The following CEPT1 variants were observed in gnomAD, a reference collection of about 807,000 sequenced individuals.
CEPT1 encodes the protein choline/ethanolamine phosphotransferase 1, also known as choline/ethanolaminephosphotransferase 1.
A neutral mutation model predicts 42.6 loss-of-function variants in CEPT1; 7 were observed. The observed-to-expected ratio is 0.16, with a 90% CI of 0.09 to 0.31. The LOEUF is 0.31. CEPT1 is among the 10% of genes least tolerant of loss of function. CEPT1 has a pLI of 1.00. For missense variants in CEPT1, 306 were observed against 502.1 expected (o/e 0.61, Z 3.73); for synonymous variants, 171 against 171.9 (o/e 0.99, Z 0.04).
chr1:111,160,970 A>AT, intron 3 of CEPT1, 185 bp from the exon 4 acceptor site: 7 of 596,594 alleles, frequency 1.2e-5, no homozygotes, highest in Admixed American at 3.5e-5. Flanking sequence ...AAAAAAAAAA[A>AT]GAGAGATTGA....
intron 4 of CEPT1, among the ~76,000 whole-genome samples, chr1:111,163,686 G>C (rs1655988658): frequency 6.6e-6 from 1 of 151,478 alleles, no homozygotes; most frequent in Non-Finnish European, 1.5e-5. Context: ...GAGGCATATA[G>C]AATAAATAGA....
chr1:111,172,092 T>C (rs940977183), intron 4 of CEPT1, among the ~76,000 whole-genome samples: 6 of 152,338 alleles, frequency 3.9e-5, no homozygotes, highest in East Asian at 3.9e-4. Flanking sequence ...TTCATAGATA[T>C]AGAAAATTGT....
At chr1:111,173,558 A>G (rs114658323) in intron 4 of CEPT1, among the ~76,000 whole-genome samples, 1,696 of 152,238 alleles carry the variant, frequency 0.011, 38 homozygotes, top group African/African-American at 0.039. Flanking sequence ...GTTGTTACCT[A>G]CTTTTAGACT....
intron 2 of CEPT1, among the ~76,000 whole-genome samples, chr1:111,158,183 A>T (rs919093067): frequency 3.3e-5 from 5 of 152,050 alleles, no homozygotes; most frequent in Admixed American, 2.0e-4. Flanking sequence ...CTCTACTAAA[A>T]AAAATAAAAT....
At chr1:111,153,550 A>G (rs1341103226) in intron 2 of CEPT1, among the ~76,000 whole-genome samples, 3 of 152,172 alleles carry the variant, frequency 2.0e-5, no homozygotes, top group Non-Finnish European at 4.4e-5. Context: ...GCGTAGACCA[A>G]TGTACTGAAG....
At chr1:111,142,316 C>G (rs1392990979) in intron 1 of CEPT1, among the ~76,000 whole-genome samples, 2 of 152,286 alleles carry the variant, frequency 1.3e-5, no homozygotes, top group East Asian at 1.9e-4. Context: ...TCTGGACTTA[C>G]AAAACAGTTT....
In CEPT1 at chr1:111,183,422, C is replaced by T. The variant is rs374981028; in HGVS notation, c.1006-40C>T. The T allele has an allele frequency of 1.7e-5, 27 of 1,605,100 alleles. No homozygotes were observed. The African/African-American group carries it at 3.2e-4, about 19-fold the overall frequency. On this transcript the variant is annotated intron_variant, in intron 7 of 8. Coordinates refer to ENST00000357172, the MANE Select transcript of CEPT1 (RefSeq NM_006090.5). ...ATTTACTGTGTAGTTCACAATTGTCCTCTTATGAAAATGCCTACGTTATTC... is the reference window on the plus strand; with the variant it reads ...ATTTACTGTGTAGTTCACAATTGTCTTCTTATGAAAATGCCTACGTTATTC...
chr1:111,158,308 G>A (rs1257359287), intron 2 of CEPT1, among the ~76,000 whole-genome samples: 2 of 152,096 alleles, frequency 1.3e-5, no homozygotes, highest in African/African-American at 2.4e-5. Context: ...AGCCAAGACT[G>A]CACCACTGCA....
rs914671728 is a variant in CEPT1 at position 111,184,534 on chromosome 1, A to C, written c.*224A>C. ...GTTGTCATGCAGGGTTTGGGCCAAG[A>C]AAGCATGCAGAAAAAAATGCCATGT... On this transcript the variant is annotated 3_prime_UTR_variant, in exon 9 of 9. Coordinates refer to ENST00000357172, the MANE Select transcript of CEPT1 (RefSeq NM_006090.5). 5.7e-6 allele frequency: 2 copies of C among 353,550 alleles called. No homozygotes were observed. Among genetic ancestry groups the C allele is most frequent in the African/African-American group, 4.2e-5 (2 of 47,182 alleles). 21.9% of individuals were successfully genotyped at this position (353,550 alleles called of 1,614,324 possible).
Position 111,184,295 on chromosome 1 carries a change from T to C in CEPT1, c.1236T>C (p.His412=). 9 of 1,611,684 alleles carry C rather than the reference T, an allele frequency of 5.6e-6. No homozygotes were observed. The highest frequency in any genetic ancestry group is 6.8e-6 in the Non-Finnish European group (8 of 1,178,424). ...HVFRIKVSTA[H]SNHH The stretch of plus-strand genomic sequence containing the variant: ...TCAGAATCAAGGTCTCTACAGCTCA[T>C]TCTAATCATCATTAATGATGTAATT... Residue 412 remains histidine (H), a synonymous_variant, in exon 9 of 9, where the codon CAT becomes CAC. Coordinates refer to ENST00000357172, the MANE Select transcript of CEPT1 (RefSeq NM_006090.5).
At chr1:111,163,776 G>A (rs1655994453) in intron 4 of CEPT1, among the ~76,000 whole-genome samples, 1 of 152,114 alleles carries the variant, frequency 6.6e-6, no homozygotes, top group South Asian at 2.1e-4. Flanking sequence ...ATGCATGGAG[G>A]AGAAAGTCAA....
intron 4 of CEPT1, among the ~76,000 whole-genome samples, chr1:111,165,072 C>T (rs1445930221): frequency 1.9e-4 from 17 of 91,658 alleles, no homozygotes; most frequent in African/African-American, 3.6e-4. Flanking sequence ...TTTTTTGAGA[C>T]GGAGTCTCAC....
chr1:111,164,799 A>G (rs1486586870), intron 4 of CEPT1, among the ~76,000 whole-genome samples: 1 of 151,814 alleles, frequency 6.6e-6, no homozygotes, highest in East Asian at 2.0e-4. Context: ...AGTTTTTTGC[A>G]TTTTTAGTAG....
chr1:111,157,694 ACT>A (rs1557928686), intron 2 of CEPT1, among the ~76,000 whole-genome samples: 1 of 152,134 alleles, frequency 6.6e-6, no homozygotes, highest in African/African-American at 2.4e-5. Flanking sequence ...AGGGTTTATA[ACT>A]CTGGCTTAGT....
intron 2 of CEPT1, among the ~76,000 whole-genome samples, chr1:111,156,546 A>G (rs931078915): frequency 4.6e-5 from 7 of 152,188 alleles, no homozygotes; most frequent in African/African-American, 1.7e-4. Flanking sequence ...CACACATAAA[A>G]CACTAACGAT....
At position 111,183,588 on chromosome 1, in the gene CEPT1, G is replaced by C; in HGVS notation, c.1131+1G>C. The C allele has an allele frequency of 6.2e-7, 1 of 1,611,912 alleles. No individual in the cohort carries two copies. The highest frequency in any genetic ancestry group is 8.5e-7 in the Non-Finnish European group (1 of 1,178,440). Reference sequence around the variant, plus strand: ...ATATATTGTACTTTGGATTGCCCTGGTAAGTATTGTACTAAGTCTTATTTC... The same window carrying C: ...ATATATTGTACTTTGGATTGCCCTGCTAAGTATTGTACTAAGTCTTATTTC... On this transcript the variant is annotated splice_donor_variant, in intron 8 of 8. Coordinates refer to ENST00000357172, the MANE Select transcript of CEPT1 (RefSeq NM_006090.5). LOFTEE classifies it high-confidence loss of function.
intron 2 of CEPT1, among the ~76,000 whole-genome samples, chr1:111,158,939 A>C (rs1408773209): frequency 1.1e-5 from 1 of 93,914 alleles, no homozygotes; most frequent in African/African-American, 4.3e-5. Context: ...TTTGAGACGG[A>C]GTCTCGCTCT....
rs1367997682 is a variant in CEPT1, at chr1:111,149,193, AC to A, written c.339+1143del. 5.3e-5 allele frequency among the ~76,000 whole-genome samples: 8 copies of A among 149,806 alleles called. No individual in the cohort carries two copies. In the East Asian group the frequency reaches 1.6e-3, roughly 29 times the overall value. Reference sequence around the variant, plus strand: ...ATTTTCCAGGTTTTCATTTCCCATCACCCTTAATTCCTCTTCTACTATTGCA... The same window carrying A: ...ATTTTCCAGGTTTTCATTTCCCATCACCTTAATTCCTCTTCTACTATTGCA... On this transcript the variant is annotated intron_variant, in intron 2 of 8. Coordinates refer to ENST00000357172, the MANE Select transcript of CEPT1 (RefSeq NM_006090.5).
intron 1 of CEPT1, among the ~76,000 whole-genome samples, chr1:111,144,016 C>T (rs958906583): frequency 6.6e-6 from 1 of 152,200 alleles, no homozygotes; most frequent in Non-Finnish European, 1.5e-5. Context: ...AGGCAATGAG[C>T]CACTGTTCCC....
Sources: gnomAD v4.1 joint callset for allele counts (sites outside exome capture counted in the v4.1 genomes callset) on GRCh38, gnomAD v4.1.1 for gene constraint, MANE v1.5 for transcripts, NCBI Gene and HGNC (gene_info 2026-07-23, HGNC 2026-07-21) for gene names.